NREP: variants seen among roughly 807,000 people sequenced by gnomAD.
NREP encodes neuronal regeneration related protein, also known as neuronal regeneration-related protein.
Under a neutral mutation model 8.6 loss-of-function variants are expected in NREP, and 5 were observed. The ratio of observed to expected loss-of-function variants is 0.58; its 90% CI spans 0.30 to 1.22. The LOEUF (loss-of-function observed/expected upper bound fraction) is 1.22. Ranked by LOEUF, NREP falls within the 50% of genes most tolerant of loss-of-function variation. NREP has a pLI of 0.07. For synonymous variants in NREP, 27 were observed against 28.0 expected (o/e 0.96, Z 0.11); for missense variants, 86 against 82.5 (o/e 1.04, Z -0.17).
In NREP at chr5:111,755,757, G is replaced by A; in HGVS notation, c.3+13C>T. The A allele has an allele frequency of 6.2e-7, 1 of 1,613,528 alleles. No individual in the cohort carries two copies. The highest frequency in any genetic ancestry group is 8.5e-7 in the Non-Finnish European group (1 of 1,179,532). On this transcript the variant is annotated intron_variant, in intron 2 of 3. Coordinates refer to ENST00000257435, the MANE Select transcript of NREP (RefSeq NM_004772.4). ...AGAAGTACTGAGAATCTCCTCTGAT[G>A]ACCAAGTCTTACCATTTTGAGAATC...
At chr5:111,732,257 T>C (rs1042257162) in intron 3 of NREP, 1 of 152,124 alleles carries the variant, frequency 6.6e-6, no homozygotes, top group Non-Finnish European at 1.5e-5. Flanking sequence ...TCCAAACAAC[T>C]TGAAATTGAA....
chr5:111,932,526 T>G (rs1379973947), intron 2 of NREP, among the ~76,000 whole-genome samples: 1 of 152,140 alleles, frequency 6.6e-6, no homozygotes, highest in Non-Finnish European at 1.5e-5. Context: ...CATATACATT[T>G]ATTCAAAAAG....
chr5:111,777,348 G>T (rs1463789995), intron 2 of NREP, among the ~76,000 whole-genome samples: 1 of 146,336 alleles, frequency 6.8e-6, no homozygotes, highest in Non-Finnish European at 1.5e-5. Context: ...GTGTGGGTGT[G>T]TGTGTGAGTG....
At chr5:111,816,836 T>C (rs1752395333) in intron 2 of NREP, among the ~76,000 whole-genome samples, 1 of 151,694 alleles carries the variant, frequency 6.6e-6, no homozygotes, top group Admixed American at 6.6e-5. Flanking sequence ...CACTGCAGAC[T>C]ATATAAAAAT....
chr5:111,928,996 T>C (rs1396880124), intron 2 of NREP, among the ~76,000 whole-genome samples: 1 of 152,164 alleles, frequency 6.6e-6, no homozygotes, highest in Admixed American at 6.5e-5. Context: ...TCCATCAGGA[T>C]GCATATAATA....
chr5:111,791,560 C>T (rs1751747336), intron 2 of NREP, among the ~76,000 whole-genome samples: 1 of 152,142 alleles, frequency 6.6e-6, no homozygotes, highest in South Asian at 2.1e-4. Flanking sequence ...CTCACTGTGG[C>T]CTCAACCTCC....
chr5:111,807,967 T>C lies in NREP; in HGVS notation c.136-72460A>G, dbSNP rs115181794. On this transcript the variant is annotated intron_variant, in intron 2 of 3. Transcript: ENST00000395634. ...AACAACAAAACCCTCTCAATTCAGTTAAATAAGGCATAAATGAGGTTTTCC... is the reference window on the plus strand; with the variant it reads ...AACAACAAAACCCTCTCAATTCAGTCAAATAAGGCATAAATGAGGTTTTCC... Among the ~76,000 whole-genome samples, 354 of 152,294 alleles carry C rather than the reference T, an allele frequency of 2.3e-3. 2 individuals are homozygous for C. Among genetic ancestry groups the C allele is most frequent in the African/African-American group, 8.1e-3 (336 of 41,564 alleles).
chr5:111,868,846 T>G (rs971578262), intron 2 of NREP, among the ~76,000 whole-genome samples: 4 of 152,118 alleles, frequency 2.6e-5, no homozygotes, highest in African/African-American at 9.7e-5. Flanking sequence ...TTTTTTTTTT[T>G]TACCACAATT....
chr5:111,869,015 A>T (rs1256996431), intron 2 of NREP, among the ~76,000 whole-genome samples: 1 of 152,186 alleles, frequency 6.6e-6, no homozygotes, highest in Non-Finnish European at 1.5e-5. Flanking sequence ...TAGCCATTGT[A>T]TTTTGGGTCT....
chr5:111,771,776 A>C (rs546312413), intron 2 of NREP, among the ~76,000 whole-genome samples: 8 of 151,980 alleles, frequency 5.3e-5, no homozygotes, highest in African/African-American at 9.7e-5. Flanking sequence ...AAAAAAAAAA[A>C]AACAAAAAAA....
chr5:111,929,948 T>G (rs1755490884), intron 2 of NREP, among the ~76,000 whole-genome samples: 1 of 152,186 alleles, frequency 6.6e-6, no homozygotes, highest in Non-Finnish European at 1.5e-5. Context: ...CTTTCCTTTA[T>G]ATTCCCCTGA....
chr5:111,739,948 G>A (rs961841804), intron 2 of NREP, among the ~76,000 whole-genome samples: 1 of 151,026 alleles, frequency 6.6e-6, no homozygotes, highest in East Asian at 1.9e-4. Flanking sequence ...TATTCTTCCA[G>A]AAGTCTATTA....
At chr5:111,928,532 G>A (rs1013858473) in intron 2 of NREP, among the ~76,000 whole-genome samples, 1 of 152,134 alleles carries the variant, frequency 6.6e-6, no homozygotes, top group African/African-American at 2.4e-5. Flanking sequence ...AGATAGAGAA[G>A]GCATGGAACT....
At chr5:111,828,890 T>G (rs1454218939) in intron 2 of NREP, among the ~76,000 whole-genome samples, 2 of 152,162 alleles carry the variant, frequency 1.3e-5, no homozygotes, top group African/African-American at 2.4e-5. Flanking sequence ...CACAGCCTGG[T>G]GGACAGCACA....
At chr5:111,947,139 C>T (rs559997687) in intron 2 of NREP, among the ~76,000 whole-genome samples, 34 of 152,094 alleles carry the variant, frequency 2.2e-4, no homozygotes, top group Non-Finnish European at 4.7e-4. Flanking sequence ...TAATGTATAA[C>T]TATAGAAGTC....
At chr5:111,870,500 A>T (rs553206803) in intron 2 of NREP, among the ~76,000 whole-genome samples, 58 of 152,350 alleles carry the variant, frequency 3.8e-4, no homozygotes, top group African/African-American at 1.3e-3. Flanking sequence ...AATTAGCATG[A>T]TTAATTTTTA....
At chr5:111,745,230 T>A (rs535452607) in intron 2 of NREP, among the ~76,000 whole-genome samples, 59 of 152,290 alleles carry the variant, frequency 3.9e-4, no homozygotes, top group Non-Finnish European at 7.1e-4. Context: ...ATTATCATCA[T>A]CGTCACCATT....
chr5:111,757,228 TTG>T, upstream of NREP: 1 of 229,234 alleles, frequency 4.4e-6, no homozygotes, highest in African/African-American at 2.5e-4. Context: ...GAAAGACAGA[TTG>T]GGGGGGGAGG....
Position 111,769,453 on chromosome 5 carries a change from T to G in NREP, c.136-33946A>C, listed in dbSNP as rs112862702. Among the ~76,000 whole-genome samples, 720 of 150,632 alleles carry G rather than the reference T, an allele frequency of 4.8e-3. 3 individuals carry two copies. Among genetic ancestry groups the G allele is most frequent in the Non-Finnish European group, 6.8e-3 (456 of 67,528 alleles). On this transcript the variant is annotated intron_variant, in intron 2 of 3. Transcript: ENST00000395634. ...GGGCAAAGAATGCCTGGGGGGAGGGTGAGGAAAGCGGTATTTAGGCAAGGC... is the reference window on the plus strand; with the variant it reads ...GGGCAAAGAATGCCTGGGGGGAGGGGGAGGAAAGCGGTATTTAGGCAAGGC...
Sources: allele counts gnomAD v4.1 joint callset (sites outside exome capture counted in the v4.1 genomes callset), GRCh38; gene constraint gnomAD v4.1.1; transcripts MANE v1.5; gene names NCBI Gene and HGNC (gene_info 2026-07-23, HGNC 2026-07-21).